XKR4: variants seen among roughly 807,000 people sequenced by gnomAD.
The protein encoded by XKR4 is XK-related protein 4.
In XKR4, 12 loss-of-function variants were observed where a neutral mutation model predicts 53.9. The observed-to-expected ratio is 0.22, with a 90% CI of 0.14 to 0.36. The LOEUF is 0.36. Ranked by LOEUF, XKR4 falls within the 10% of genes least tolerant of loss-of-function variation. The pLI is 1.00. For synonymous variants in XKR4, 354 were observed against 362.4 expected (o/e 0.98, Z 0.26); for missense variants, 799 against 859.5 (o/e 0.93, Z 0.88).
chr8:55,352,925 A>G (rs1408619293), intron 1 of XKR4, among the ~76,000 whole-genome samples: 2 of 152,230 alleles, frequency 1.3e-5, no homozygotes, highest in Non-Finnish European at 2.9e-5. Flanking sequence ...AGCTTAATGG[A>G]TGGACAACTT....
chr8:55,206,844 G>T (rs150488273), intron 1 of XKR4, among the ~76,000 whole-genome samples: 4 of 152,280 alleles, frequency 2.6e-5, no homozygotes, highest in Admixed American at 1.3e-4. Context: ...ATTGCAGAAA[G>T]AATGTAAATT....
chr8:55,258,041 C>A (rs960942138), intron 1 of XKR4, among the ~76,000 whole-genome samples: 1 of 152,176 alleles, frequency 6.6e-6, no homozygotes, highest in African/African-American at 2.4e-5. Flanking sequence ...GCTGGTGACC[C>A]CAGGCACCTC....
chr8:55,388,941 G>A (rs550913953), intron 2 of XKR4, among the ~76,000 whole-genome samples: 3 of 152,296 alleles, frequency 2.0e-5, no homozygotes, highest in African/African-American at 7.2e-5. Flanking sequence ...CAGCACCTCA[G>A]AATGGGACCT....
intron 1 of XKR4, among the ~76,000 whole-genome samples, chr8:55,275,331 G>A (rs887372238): frequency 2.0e-5 from 3 of 152,038 alleles, no homozygotes; most frequent in Non-Finnish European, 4.4e-5. Context: ...ATAGATATAA[G>A]GAATAATTTA....
intron 2 of XKR4, among the ~76,000 whole-genome samples, chr8:55,410,815 C>A (rs556060394): frequency 6.6e-6 from 1 of 152,262 alleles, no homozygotes; most frequent in Non-Finnish European, 1.5e-5. Flanking sequence ...TAAAATCCAC[C>A]CACCTTTGTT....
intron 1 of XKR4, among the ~76,000 whole-genome samples, chr8:55,201,160 C>T (rs1236129151): frequency 1.3e-5 from 2 of 152,162 alleles, no homozygotes; most frequent in African/African-American, 2.4e-5. Flanking sequence ...GACTTTATGT[C>T]TGCTAGTTGA....
At chr8:55,186,456 C>G (rs1018877342) in intron 1 of XKR4, among the ~76,000 whole-genome samples, 4 of 151,944 alleles carry the variant, frequency 2.6e-5, no homozygotes, top group Non-Finnish European at 5.9e-5. Context: ...GAGATCGAGA[C>G]CATCCTGGCT....
chr8:55,198,365 T>C (rs1043643702), intron 1 of XKR4, among the ~76,000 whole-genome samples: 6 of 152,162 alleles, frequency 3.9e-5, no homozygotes, highest in African/African-American at 1.2e-4. Flanking sequence ...GAATATGGTA[T>C]GGATGATCAA....
chr8:55,374,823 G>A (rs1019064104), intron 2 of XKR4, among the ~76,000 whole-genome samples: 3 of 152,242 alleles, frequency 2.0e-5, no homozygotes, highest in Non-Finnish European at 4.4e-5. Flanking sequence ...CATCGTGGTA[G>A]CAAGGGTAGA....
chr8:55,180,626 G>T (rs1006919810), intron 1 of XKR4, among the ~76,000 whole-genome samples: 8 of 152,138 alleles, frequency 5.3e-5, no homozygotes, highest in Admixed American at 1.3e-4. Flanking sequence ...TCCGCCTCCT[G>T]GTTCAAATGA....
chr8:55,267,729 A>G (rs1017121794), intron 1 of XKR4, among the ~76,000 whole-genome samples: 45 of 152,086 alleles, frequency 3.0e-4, no homozygotes, highest in African/African-American at 1.1e-3. Flanking sequence ...TAATAATTTT[A>G]CAATTGACAA....
chr8:55,113,080 G>A (rs1816255206), intron 1 of XKR4, among the ~76,000 whole-genome samples: 1 of 152,088 alleles, frequency 6.6e-6, no homozygotes, highest in Non-Finnish European at 1.5e-5. Flanking sequence ...CCTAAGGAAA[G>A]CACCAATATT....
At chr8:55,405,829 G>C (rs1287107999) in intron 2 of XKR4, among the ~76,000 whole-genome samples, 1 of 152,160 alleles carries the variant, frequency 6.6e-6, no homozygotes, top group Non-Finnish European at 1.5e-5. Flanking sequence ...GTGTTCAGAG[G>C]CCTCTGTTAA....
chr8:55,340,227 T>A (rs1803522869), intron 1 of XKR4, among the ~76,000 whole-genome samples: 1 of 152,222 alleles, frequency 6.6e-6, no homozygotes, highest in Non-Finnish European at 1.5e-5. Flanking sequence ...AATGCATACA[T>A]AGTTAACTGT....
rs546720779 is a variant in XKR4 at position 55,287,136 on chromosome 8, G to T, written c.807-70542G>T. On this transcript the variant is annotated intron_variant, in intron 1 of 2. Transcript: ENST00000327381. ...TATATCAAATAATTATTGGGTGGGG[G>T]GGGGGAACCTTCAATAATACAGGAA... 2.1e-3 allele frequency among the ~76,000 whole-genome samples: 290 copies of T among 136,874 alleles called. 2 individuals carry two copies. Among genetic ancestry groups the T allele is most frequent in the African/African-American group, 8.4e-3 (275 of 32,932 alleles). The allele number at this position is 136,874 out of a possible 152,430, so 89.8% of individuals were successfully genotyped here.
chr8:55,451,637 G>C, intron 2 of XKR4: 2 of 1,549,544 alleles, frequency 1.3e-6, no homozygotes, highest in Non-Finnish European at 8.8e-7. Flanking sequence ...TAGGACACGC[G>C]CTGCAGGGCG....
intron 1 of XKR4, among the ~76,000 whole-genome samples, chr8:55,240,360 A>G (rs747021914): frequency 7.9e-5 from 12 of 152,238 alleles, no homozygotes; most frequent in Non-Finnish European, 1.6e-4. Context: ...GTTCTAAGAT[A>G]TATAGTCCAT....
intron 1 of XKR4, among the ~76,000 whole-genome samples, chr8:55,257,631 C>A (rs1818457969): frequency 6.6e-6 from 1 of 152,082 alleles, no homozygotes; most frequent in Non-Finnish European, 1.5e-5. Context: ...CAAATATATG[C>A]AGAATCAATA....
At chr8:55,374,399 C>T (rs146369817) in intron 2 of XKR4, among the ~76,000 whole-genome samples, 1 of 152,278 alleles carries the variant, frequency 6.6e-6, no homozygotes, top group Admixed American at 6.5e-5. Flanking sequence ...AGAGAAGTGA[C>T]CGGTTCCACC....
Sources: allele counts gnomAD v4.1 joint callset (sites outside exome capture counted in the v4.1 genomes callset), GRCh38; gene constraint gnomAD v4.1.1; transcripts MANE v1.5; gene names NCBI Gene and HGNC (gene_info 2026-07-23, HGNC 2026-07-21).